The following LEMD3 variants were observed in gnomAD, a reference collection of about 807,000 sequenced individuals.
LEMD3 encodes the protein inner nuclear membrane protein Man1.
A neutral mutation model predicts 95.2 loss-of-function variants in LEMD3; 33 were observed. The observed-to-expected ratio is 0.35, with a 90% CI of 0.26 to 0.46. The LOEUF (loss-of-function observed/expected upper bound fraction) is 0.46, where lower values mean the gene tolerates loss of function less well. LEMD3 is among the 20% of genes least tolerant of loss of function. The pLI is 1.00. For synonymous variants in LEMD3, 525 were observed against 474.6 expected, an observed-to-expected ratio of 1.11 and a Z score of -1.38; for missense variants, 1,210 against 1,192.8, an observed-to-expected ratio of 1.01 and a Z score of -0.21.
At position 65,170,995 on chromosome 12, in the gene LEMD3, A is replaced by G. The variant is rs199915804; in HGVS notation, c.1399A>G (p.Ser467Gly). 6 of 1,614,222 alleles carry G rather than the reference A, an allele frequency of 3.7e-6. No homozygotes were observed. The Admixed American group carries it at 6.7e-5, about 18-fold the overall frequency. Residue 467 changes from serine to glycine, a missense_variant, in exon 1 of 13, where the codon AGT (serine) becomes GGT (glycine). Ser to Gly is a moderately conservative substitution (Grantham distance 56, BLOSUM62 0). Transcript: ENST00000308330. Reference protein sequence around the residue: ...FKREEVSPTGSFSAHYLSMFL... With the variant: ...FKREEVSPTGGFSAHYLSMFL... ...ACGGGAGGAGGTGTCCCCAACAGGGAGTTTCAGTGCCCACTACTTGTCGAT... is the reference window on the plus strand; with the variant it reads ...ACGGGAGGAGGTGTCCCCAACAGGGGGTTTCAGTGCCCACTACTTGTCGAT...
chr12:65,188,445 T>C (rs893582072), intron 1 of LEMD3, among the ~76,000 whole-genome samples: 1 of 152,172 alleles, frequency 6.6e-6, no homozygotes, highest in Non-Finnish European at 1.5e-5. Context: ...GGCAGTGAGC[T>C]TTTATAGGCT....
Position 65,172,579 on chromosome 12 carries a change from T to C in LEMD3, c.1522+1461T>C, listed in dbSNP as rs556862092. ...ATTCCCTGGGAGCATGAGTGTATTG[T>C]GTCCTGCCCCAAATATTTGGGAGAA... On this transcript the variant is annotated intron_variant, in intron 1 of 12. Transcript: ENST00000308330. Among the ~76,000 whole-genome samples the C allele has an allele frequency of 9.2e-5, 14 of 152,270 alleles. No individual in the cohort carries two copies. The East Asian group carries it at 2.7e-3, about 29-fold the overall frequency.
chr12:65,195,430 A>G (rs886550923), intron 1 of LEMD3, among the ~76,000 whole-genome samples: 5 of 152,088 alleles, frequency 3.3e-5, no homozygotes, highest in African/African-American at 4.8e-5. Context: ...CAAGTTGTGT[A>G]TCTGGCCAGA....
intron 6 of LEMD3, among the ~76,000 whole-genome samples, chr12:65,239,688 T>C (rs534889835): frequency 6.6e-6 from 1 of 152,306 alleles, no homozygotes; most frequent in Non-Finnish European, 1.5e-5. Flanking sequence ...TATATATTTT[T>C]AAATAGTAGT....
intron 4 of LEMD3, among the ~76,000 whole-genome samples, chr12:65,231,042 G>A (rs74491610): frequency 0.038 from 5,737 of 151,730 alleles, 355 homozygotes; most frequent in African/African-American, 0.13. Context: ...TTTCATATTC[G>A]GTTTTGTCTT....
chr12:65,170,481 C>G lies in LEMD3; in HGVS notation c.885C>G (p.Pro295=), dbSNP rs976891743. Residue 295 remains proline (P), a synonymous_variant, in exon 1 of 13, where the codon CCC becomes CCG. Transcript: ENST00000308330. ...GACGAACCCATAGTAAGCCTCTCCCCCCGCTGACTGCTAAATCGGCCGGCG... is the reference window on the plus strand; with the variant it reads ...GACGAACCCATAGTAAGCCTCTCCCGCCGCTGACTGCTAAATCGGCCGGCG... ...RPRRTHSKPL[P]PLTAKSAGGR... 1.2e-6 allele frequency: 2 copies of G among 1,613,666 alleles called. No homozygotes were observed. Among genetic ancestry groups the G allele is most frequent in the Non-Finnish European group, 8.5e-7 (1 of 1,179,886 alleles).
chr12:65,200,657 C>T (rs1869571391), intron 1 of LEMD3, among the ~76,000 whole-genome samples: 1 of 151,954 alleles, frequency 6.6e-6, no homozygotes, highest in Non-Finnish European at 1.5e-5. Flanking sequence ...GTTCTTTGGC[C>T]CATTTTTTAA....
At chr12:65,191,089 A>G (rs1021445988) in intron 1 of LEMD3, among the ~76,000 whole-genome samples, 18 of 152,110 alleles carry the variant, frequency 1.2e-4, no homozygotes, top group African/African-American at 3.6e-4. Context: ...CAGTTTAACA[A>G]TTTTATGAAC....
intron 1 of LEMD3, among the ~76,000 whole-genome samples, chr12:65,174,648 GTGTGTGTGTGTA>G (rs1037278330): frequency 6.6e-6 from 1 of 152,052 alleles, no homozygotes; most frequent in African/African-American, 2.4e-5. Flanking sequence ...ACATCTCTGT[GTGTGTGTGTGTA>G]TGTGTGTGTG....
rs1158064755 is a variant in LEMD3 at position 65,193,772 on chromosome 12, G to GTGTGTGTGTA, written c.1523-17151_1523-17150insGTGTGTATGT. On this transcript the variant is annotated intron_variant, in intron 1 of 12. Transcript: ENST00000308330. ...TGTGTGTGTGTGTGTGTGTGTGTGT[G>GTGTGTGTGTA]TGTTGGGGGAGGGGGCCTCTCCTGC... Among the ~76,000 whole-genome samples the GTGTGTGTGTA allele has an allele frequency of 2.0e-4, 30 of 151,460 alleles. No individual in the cohort carries two copies. In the East Asian group the frequency reaches 4.1e-3, roughly 21 times the overall value.
chr12:65,217,929 C>T (rs545969585), intron 3 of LEMD3, among the ~76,000 whole-genome samples: 4 of 152,268 alleles, frequency 2.6e-5, no homozygotes, highest in East Asian at 1.9e-4. Context: ...GCTGTCTTCT[C>T]GCCTCTGCTT....
chr12:65,204,382 T>G (rs535516504), intron 1 of LEMD3, among the ~76,000 whole-genome samples: 1 of 152,078 alleles, frequency 6.6e-6, no homozygotes, highest in African/African-American at 2.4e-5. Context: ...TCCATGTGCC[T>G]GTGTGTTCTC....
intron 2 of LEMD3, among the ~76,000 whole-genome samples, chr12:65,212,067 G>A (rs961347168): frequency 6.6e-6 from 1 of 152,100 alleles, no homozygotes; most frequent in African/African-American, 2.4e-5. Context: ...GGCTGGGGAG[G>A]CCTCACAGTC....
At chr12:65,222,473 A>G (rs34241653) in intron 4 of LEMD3, among the ~76,000 whole-genome samples, 2,032 of 152,206 alleles carry the variant, frequency 0.013, 23 homozygotes, top group Non-Finnish European at 0.02. Flanking sequence ...ATCCTTTTCA[A>G]TTTTTCAGAA....
At chr12:65,208,261 A>AG (rs928331464) in intron 1 of LEMD3, among the ~76,000 whole-genome samples, 1 of 152,140 alleles carries the variant, frequency 6.6e-6, no homozygotes, top group Admixed American at 6.6e-5. Context: ...GTAGGGTTAA[A>AG]GGAGGACAAC....
At chr12:65,175,380 C>T (rs1868685987) in intron 1 of LEMD3, among the ~76,000 whole-genome samples, 1 of 152,136 alleles carries the variant, frequency 6.6e-6, no homozygotes, top group Non-Finnish European at 1.5e-5. Flanking sequence ...CTCTTTTCTT[C>T]TCTAGTTGTT....
intron 1 of LEMD3, among the ~76,000 whole-genome samples, chr12:65,173,732 A>G (rs1868626592): frequency 6.6e-6 from 1 of 152,220 alleles, no homozygotes; most frequent in African/African-American, 2.4e-5. Context: ...AGTATAGTGC[A>G]TTTCTTAACC....
intron 1 of LEMD3, among the ~76,000 whole-genome samples, chr12:65,185,120 C>A (rs2136321320): frequency 6.6e-6 from 1 of 152,178 alleles, no homozygotes; most frequent in South Asian, 2.1e-4. Flanking sequence ...CCAAGTCTGG[C>A]AGTCATCTAC....
chr12:65,239,075 A>G (rs1211277054), intron 6 of LEMD3, among the ~76,000 whole-genome samples: 1 of 152,164 alleles, frequency 6.6e-6, no homozygotes, highest in Non-Finnish European at 1.5e-5. Flanking sequence ...ATAGAAATCT[A>G]CTTTAGAAAG....
Sources: allele counts gnomAD v4.1 joint callset (sites outside exome capture counted in the v4.1 genomes callset), GRCh38; gene constraint gnomAD v4.1.1; transcripts MANE v1.5; gene names NCBI Gene and HGNC (gene_info 2026-07-23, HGNC 2026-07-21).